The following PIGU variants were observed in gnomAD, a reference collection of about 807,000 sequenced individuals.
PIGU encodes the protein phosphatidylinositol glycan anchor biosynthesis class U.
PIGU carries 24 observed loss-of-function variants against 49.9 expected under a neutral mutation model. The ratio of observed to expected loss-of-function variants is 0.48; its 90% CI spans 0.35 to 0.68. The LOEUF is 0.68. Ranked by LOEUF, PIGU falls within the 30% of genes least tolerant of loss-of-function variation. PIGU has a pLI of 0.01. For missense variants in PIGU, 490 were observed against 532.6 expected (o/e 0.92, Z 0.79); for synonymous variants, 220 against 205.7 (o/e 1.07, Z -0.59).
chr20:34,670,410 G>C (rs113293797), intron 1 of PIGU, among the ~76,000 whole-genome samples: 1 of 151,832 alleles, frequency 6.6e-6, no homozygotes, highest in Non-Finnish European at 1.5e-5. Context: ...GGCCGGTCTC[G>C]AACTCAAGCT....
Position 34,633,132 on chromosome 20 carries a change from G to A in PIGU, c.529+1483C>T, listed in dbSNP as rs1985843485. On this transcript the variant is annotated intron_variant, in intron 6 of 11. Coordinates refer to ENST00000217446, the MANE Select transcript of PIGU (RefSeq NM_080476.5). ...GCCCAGCAGTGGAATAACACACACA[G>A]TGTTGTAAAATATAGGTGCTGATAC... Among the ~76,000 whole-genome samples the A allele has an allele frequency of 2.6e-5, 4 of 152,250 alleles. No individual in the cohort carries two copies. In the South Asian group the frequency reaches 8.3e-4, roughly 32 times the overall value.
intron 8 of PIGU, 29 bp downstream of exon 8, chr20:34,588,424 T>C (rs939268980): frequency 4.4e-6 from 7 of 1,597,344 alleles, no homozygotes; most frequent in Non-Finnish European, 6.0e-6. Context: ...CCACAGCTTC[T>C]AGAATTTTCT....
rs116164576 is a variant in PIGU at position 34,674,606 on chromosome 20, A to G, written c.130+2350T>C. 8.1e-3 allele frequency among the ~76,000 whole-genome samples: 1,236 copies of G among 152,206 alleles called. 21 individuals are homozygous for G. The highest frequency in any genetic ancestry group is 0.029 in the African/African-American group (1,188 of 41,544). On this transcript the variant is annotated intron_variant, in intron 1 of 11. Transcript: ENST00000217446. ...ACATAAAAGAATTCAGGAATGAATA[A>G]AACAGAATCCTTCAAGGAGCTCATA... is the stretch of plus-strand genomic sequence containing the variant.
chr20:34,656,746 A>G (rs921616709), intron 2 of PIGU, among the ~76,000 whole-genome samples: 1 of 144,402 alleles, frequency 6.9e-6, no homozygotes, highest in Non-Finnish European at 1.5e-5. Flanking sequence ...AGCCTGGGTG[A>G]CAGAATAAGA....
intron 1 of PIGU, among the ~76,000 whole-genome samples, chr20:34,660,376 G>A (rs1986894876): frequency 6.6e-6 from 1 of 152,212 alleles, no homozygotes; most frequent in Admixed American, 6.5e-5. Flanking sequence ...CCTGAGGTCA[G>A]GCGTTCAAGA....
Position 34,583,867 on chromosome 20 carries a change from T to C in PIGU, c.926+1570A>G, listed in dbSNP as rs895445477. Among the ~76,000 whole-genome samples, 16 of 152,318 alleles carry C rather than the reference T, an allele frequency of 1.1e-4. No individual in the cohort carries two copies. The East Asian group carries it at 3.1e-3, about 29-fold the overall frequency. On this transcript the variant is annotated intron_variant, in intron 9 of 11. Transcript: ENST00000217446. ...TTTTACAGAATGGGAACCACGTGCA[T>C]TGGTGCACAGACCATGGAGAATGGC...
intron 7 of PIGU, among the ~76,000 whole-genome samples, chr20:34,608,574 A>C (rs1223698651): frequency 1.3e-5 from 2 of 152,128 alleles, no homozygotes; most frequent in Admixed American, 1.3e-4. Flanking sequence ...GTGCTCTTAC[A>C]TACTACATTA....
chr20:34,676,674 C>A (rs1987510616), intron 1 of PIGU, among the ~76,000 whole-genome samples: 1 of 152,170 alleles, frequency 6.6e-6, no homozygotes. Context: ...CCACACTCCT[C>A]GGCTCAGGAC....
intron 1 of PIGU, among the ~76,000 whole-genome samples, chr20:34,659,763 T>C (rs1461906429): frequency 1.3e-5 from 2 of 152,182 alleles, no homozygotes; most frequent in Non-Finnish European, 2.9e-5. Flanking sequence ...CCCAACCCCA[T>C]GCTCTCTGAA....
chr20:34,575,523 G>C (rs1983189668), intron 10 of PIGU, among the ~76,000 whole-genome samples: 1 of 152,178 alleles, frequency 6.6e-6, no homozygotes, highest in African/African-American at 2.4e-5. Flanking sequence ...AATGCCATGA[G>C]TGCCTCGGGG....
intron 1 of PIGU, among the ~76,000 whole-genome samples, chr20:34,674,486 C>T (rs187134917): frequency 1.3e-5 from 2 of 152,302 alleles, no homozygotes; most frequent in Admixed American, 6.5e-5. Flanking sequence ...CTTCACCTGT[C>T]CATCCTGTAA....
intron 1 of PIGU, among the ~76,000 whole-genome samples, chr20:34,668,997 A>AAGTAGCTGGGACTCC (rs945993009): frequency 2.2e-4 from 32 of 144,276 alleles, no homozygotes; most frequent in African/African-American, 7.5e-4. Flanking sequence ...CAATCCTCCC[A>AAGTAGCTGGGACTCC]CTTCAGCTTC....
At chr20:34,600,062 G>A (rs989579454) in intron 7 of PIGU, among the ~76,000 whole-genome samples, 5 of 152,064 alleles carry the variant, frequency 3.3e-5, no homozygotes, top group African/African-American at 7.2e-5. Flanking sequence ...TACTGATACC[G>A]CTGATCTAGA....
At chr20:34,604,241 G>T (rs947731885) in intron 7 of PIGU, among the ~76,000 whole-genome samples, 25 of 152,102 alleles carry the variant, frequency 1.6e-4, no homozygotes, top group African/African-American at 6.0e-4. Context: ...TTCTCAGACT[G>T]CTTCAGAAAA....
intron 10 of PIGU, among the ~76,000 whole-genome samples, chr20:34,580,659 T>C (rs1983420370): frequency 6.6e-6 from 1 of 152,234 alleles, no homozygotes; most frequent in Non-Finnish European, 1.5e-5. Context: ...TGCCTCTTTA[T>C]TGGGGAGGTT....
At chr20:34,578,637 T>G (rs540671216) in intron 10 of PIGU, among the ~76,000 whole-genome samples, 3 of 152,182 alleles carry the variant, frequency 2.0e-5, no homozygotes, top group African/African-American at 7.2e-5. Context: ...GCTGCAAAGA[T>G]ACATTCCCAT....
intron 6 of PIGU, among the ~76,000 whole-genome samples, chr20:34,631,213 C>CT (rs997927617): frequency 7.9e-5 from 12 of 151,804 alleles, no homozygotes; most frequent in African/African-American, 2.9e-4. Flanking sequence ...AGTTAAAACT[C>CT]AATAGAGGAG....
At chr20:34,564,949 G>A (rs1444712029) in intron 11 of PIGU, among the ~76,000 whole-genome samples, 5 of 152,214 alleles carry the variant, frequency 3.3e-5, no homozygotes, top group South Asian at 2.1e-4. Context: ...CAGGCTGGCC[G>A]AGAGGCCTGG....
chr20:34,570,014 T>C (rs147836456), intron 11 of PIGU, among the ~76,000 whole-genome samples: 61 of 152,166 alleles, frequency 4.0e-4, no homozygotes, highest in African/African-American at 1.4e-3. Context: ...GAGTTAATAA[T>C]AGTACTTCCT....
Sources: allele counts gnomAD v4.1 joint callset (sites outside exome capture counted in the v4.1 genomes callset), GRCh38; gene constraint gnomAD v4.1.1; transcripts MANE v1.5; gene names NCBI Gene and HGNC (gene_info 2026-07-23, HGNC 2026-07-21).